The following NKAIN2 variants were observed in gnomAD, a reference collection of about 807,000 sequenced individuals.
The protein encoded by NKAIN2 is sodium/potassium-transporting ATPase subunit beta-1-interacting protein 2.
NKAIN2 carries 14 observed loss-of-function variants against 32.6 expected under a neutral mutation model. The observed-to-expected ratio is 0.43, with a 90% CI of 0.28 to 0.67. The LOEUF (loss-of-function observed/expected upper bound fraction) is 0.67, where lower values mean the gene tolerates loss of function less well. Ranked by LOEUF, NKAIN2 falls within the 30% of genes least tolerant of loss-of-function variation. The pLI is 0.17. For synonymous variants in NKAIN2, 80 were observed against 87.2 expected (o/e 0.92, Z 0.46); for missense variants, 198 against 258.3 (o/e 0.77, Z 1.60).
chr6:123,985,661 A>G (rs1779103557), intron 1 of NKAIN2, among the ~76,000 whole-genome samples: 2 of 152,216 alleles, frequency 1.3e-5, no homozygotes, highest in African/African-American at 2.4e-5. Flanking sequence ...CACTAGGCAC[A>G]CAACATAGTG....
chr6:124,290,974 C>T (rs1272985917), intron 2 of NKAIN2, among the ~76,000 whole-genome samples: 1 of 152,102 alleles, frequency 6.6e-6, no homozygotes, highest in Non-Finnish European at 1.5e-5. Flanking sequence ...ACATCTATCT[C>T]TCCCTTCTTC....
rs1773716834 is a variant in NKAIN2 at position 124,403,500 on chromosome 6, T to A, written c.273+48153T>A. Among the ~76,000 whole-genome samples, 4 of 152,322 alleles carry A rather than the reference T, an allele frequency of 2.6e-5. No individual in the cohort carries two copies. In the South Asian group the frequency reaches 8.3e-4, roughly 32 times the overall value. Reference sequence around the variant, plus strand: ...GTTATTCTCCAAAGTTATTTCAGCATAGTCAATCACATTTAAGCAGTGAAT... The same window carrying A: ...GTTATTCTCCAAAGTTATTTCAGCAAAGTCAATCACATTTAAGCAGTGAAT... On this transcript the variant is annotated intron_variant, in intron 3 of 6. Coordinates refer to ENST00000368417, the MANE Select transcript of NKAIN2 (RefSeq NM_001040214.3).
chr6:124,346,026 A>G (rs538234719), intron 2 of NKAIN2, among the ~76,000 whole-genome samples: 5 of 151,946 alleles, frequency 3.3e-5, no homozygotes, highest in South Asian at 2.1e-4. Flanking sequence ...AGATTGTGGT[A>G]TGTTGTGTCT....
At chr6:124,184,703 A>G (rs1188776359) in intron 1 of NKAIN2, among the ~76,000 whole-genome samples, 1 of 152,180 alleles carries the variant, frequency 6.6e-6, no homozygotes, top group African/African-American at 2.4e-5. Flanking sequence ...AACTTTCAAG[A>G]CTAAAGAGAT....
At chr6:124,195,006 TTTTTAG>T (rs1053039552) in intron 1 of NKAIN2, among the ~76,000 whole-genome samples, 24 of 151,858 alleles carry the variant, frequency 1.6e-4, no homozygotes, top group African/African-American at 5.5e-4. Context: ...CTTTTTTTTT[TTTTTAG>T]TTTTAAAGTA....
chr6:124,322,383 C>T (rs113144059), intron 2 of NKAIN2, among the ~76,000 whole-genome samples: 5 of 152,144 alleles, frequency 3.3e-5, no homozygotes, highest in South Asian at 2.1e-4. Flanking sequence ...TTTCCCTAAT[C>T]GTTATATTCT....
chr6:124,326,124 A>G (rs1797399994), intron 2 of NKAIN2, among the ~76,000 whole-genome samples: 1 of 147,296 alleles, frequency 6.8e-6, no homozygotes, highest in African/African-American at 2.5e-5. Flanking sequence ...GTTTGTTTAT[A>G]TAAATTTTAA....
chr6:124,377,622 A>G (rs555667430), intron 3 of NKAIN2, among the ~76,000 whole-genome samples: 1 of 152,270 alleles, frequency 6.6e-6, no homozygotes, highest in African/African-American at 2.4e-5. Flanking sequence ...AGAGCAAGAG[A>G]AAGAGGAAGA....
intron 1 of NKAIN2, chr6:123,823,389 A>C (rs1774005808): frequency 6.6e-6 from 1 of 152,142 alleles, no homozygotes; most frequent in Non-Finnish European, 1.5e-5. Context: ...AGTTTGACAG[A>C]GTGGTTGAGA....
At chr6:124,621,845 A>C (rs952038839) in intron 3 of NKAIN2, among the ~76,000 whole-genome samples, 2 of 152,076 alleles carry the variant, frequency 1.3e-5, no homozygotes, top group African/African-American at 4.8e-5. Context: ...CTTTGGATCT[A>C]GTTGTCCTTC....
chr6:124,522,587 A>G (rs1779155131), intron 3 of NKAIN2, among the ~76,000 whole-genome samples: 1 of 152,084 alleles, frequency 6.6e-6, no homozygotes, highest in Non-Finnish European at 1.5e-5. Flanking sequence ...GTGACAGAAA[A>G]CCTGTGGTTT....
intron 3 of NKAIN2, among the ~76,000 whole-genome samples, chr6:124,616,302 G>T (rs1782884737): frequency 6.6e-6 from 1 of 151,998 alleles, no homozygotes; most frequent in Non-Finnish European, 1.5e-5. Flanking sequence ...TTATTTGCAG[G>T]AAGTGTTGGT....
At chr6:124,062,706 A>G (rs1037818612) in intron 1 of NKAIN2, among the ~76,000 whole-genome samples, 13 of 152,090 alleles carry the variant, frequency 8.5e-5, no homozygotes, top group African/African-American at 3.1e-4. Flanking sequence ...GAGCCACCAT[A>G]TCTGGCCAGA....
chr6:124,206,572 AT>A (rs1338595542), intron 1 of NKAIN2, among the ~76,000 whole-genome samples: 2 of 151,880 alleles, frequency 1.3e-5, no homozygotes, highest in Admixed American at 6.6e-5. Context: ...TTTTAATTGT[AT>A]TTTTGTTACT....
rs546169939 is a variant in NKAIN2 at position 124,470,947 on chromosome 6, CTCAG to C, written c.273+115606_273+115609del. 1.8e-3 allele frequency among the ~76,000 whole-genome samples: 276 copies of C among 152,134 alleles called. 3 individuals are homozygous for C. Among genetic ancestry groups the C allele is most frequent in the Admixed American group, 0.016 (237 of 15,286 alleles). On this transcript the variant is annotated intron_variant, in intron 3 of 6. Transcript: ENST00000368417. ...TACAGCTTAAGGGTCAAATCTGGTT[CTCAG>C]TCAGTTTTGTAGATAAAGTTTTATT...
In NKAIN2 at chr6:124,178,459, G is replaced by T. The variant is rs563617708; in HGVS notation, c.55-104546G>T. Among the ~76,000 whole-genome samples the T allele has an allele frequency of 1.3e-4, 19 of 151,806 alleles. No homozygotes were observed. The East Asian group carries it at 3.5e-3, about 28-fold the overall frequency. On this transcript the variant is annotated intron_variant, in intron 1 of 6. Coordinates refer to ENST00000368417, the MANE Select transcript of NKAIN2 (RefSeq NM_001040214.3). ...ACTACAGGCGCCCGCCACCATGCCC[G>T]GCTAATTTTTTGTATTTTTAGTAGA...
At chr6:124,281,698 C>CATGA (rs763116375) in intron 1 of NKAIN2, among the ~76,000 whole-genome samples, 1 of 152,062 alleles carries the variant, frequency 6.6e-6, no homozygotes, top group Non-Finnish European at 1.5e-5. Flanking sequence ...ATAGAGGTGT[C>CATGA]ATGAATTTAT....
intron 3 of NKAIN2, among the ~76,000 whole-genome samples, chr6:124,434,363 AG>A (rs565754832): frequency 4.6e-5 from 7 of 152,190 alleles, no homozygotes; most frequent in Non-Finnish European, 1.0e-4. Flanking sequence ...TTTTTGAGCT[AG>A]GGAAATGTAT....
At position 123,998,751 on chromosome 6, in the gene NKAIN2, G is replaced by C. The variant is rs1365222423; in HGVS notation, c.54+194497G>C. Reference sequence around the variant, plus strand: ...TGTTTCTCTCTCTCTCTCTGTGTGTGTGTGTGTGTGTGTGTGTGTGTGTGT... The same window carrying C: ...TGTTTCTCTCTCTCTCTCTGTGTGTCTGTGTGTGTGTGTGTGTGTGTGTGT... On this transcript the variant is annotated intron_variant, in intron 1 of 6. Transcript: ENST00000368417. Among the ~76,000 whole-genome samples, 774 of 145,264 alleles carry C rather than the reference G, an allele frequency of 5.3e-3. 5 individuals are homozygous for C. Among genetic ancestry groups the C allele is most frequent in the African/African-American group, 0.019 (747 of 38,606 alleles).
Sources: gnomAD v4.1 joint callset for allele counts (sites outside exome capture counted in the v4.1 genomes callset) on GRCh38, gnomAD v4.1.1 for gene constraint, MANE v1.5 for transcripts, NCBI Gene and HGNC (gene_info 2026-07-23, HGNC 2026-07-21) for gene names.